Variants in TAFA1 observed in about 807,000 individuals in gnomAD.
The protein encoded by TAFA1 is TAFA chemokine like family member 1.
TAFA1 carries 4 observed loss-of-function variants against 18.5 expected under a neutral mutation model. The observed-to-expected ratio is 0.22, with a 90% CI of 0.11 to 0.49. The LOEUF (loss-of-function observed/expected upper bound fraction) is 0.49. Ranked by LOEUF, TAFA1 falls within the 20% of genes least tolerant of loss-of-function variation. The pLI is 0.98. For synonymous variants in TAFA1, 56 were observed against 55.2 expected, an observed-to-expected ratio of 1.01 and a Z score of -0.06; for missense variants, 147 against 169.0, an observed-to-expected ratio of 0.87 and a Z score of 0.72.
intron 3 of TAFA1, among the ~76,000 whole-genome samples, chr3:68,515,461 A>G (rs1486615620): frequency 6.6e-6 from 1 of 152,124 alleles, no homozygotes; most frequent in African/African-American, 2.4e-5. Flanking sequence ...TCCAGGAAGT[A>G]TGGTTAGCTC....
intron 3 of TAFA1, among the ~76,000 whole-genome samples, chr3:68,451,349 C>T (rs577560087): frequency 1.3e-5 from 2 of 152,220 alleles, no homozygotes; most frequent in South Asian, 2.1e-4. Flanking sequence ...GAGCAGTTGA[C>T]TGATATCCAG....
chr3:68,317,694 G>A (rs532660966), intron 2 of TAFA1, among the ~76,000 whole-genome samples: 14 of 152,320 alleles, frequency 9.2e-5, no homozygotes, highest in African/African-American at 3.4e-4. Context: ...CACAGGCCCA[G>A]TGCTAAATGA....
At chr3:68,479,290 A>G (rs1019091472) in intron 3 of TAFA1, among the ~76,000 whole-genome samples, 28 of 149,992 alleles carry the variant, frequency 1.9e-4, no homozygotes, top group African/African-American at 6.6e-4. Context: ...CTGTAGCTCC[A>G]TACACACATA....
At chr3:68,409,847 C>G (rs1156905517) in intron 2 of TAFA1, among the ~76,000 whole-genome samples, 8 of 152,176 alleles carry the variant, frequency 5.3e-5, no homozygotes, top group Admixed American at 3.9e-4. Context: ...CAAACCCTGA[C>G]TTACAATGCC....
At chr3:68,521,512 G>A (rs6549128) in intron 3 of TAFA1, among the ~76,000 whole-genome samples, 121,547 of 152,010 alleles carry the variant, frequency 0.8, 48,670 homozygotes, top group East Asian at 0.9. Flanking sequence ...AGATAGATGA[G>A]GAAACATTTA....
intron 3 of TAFA1, among the ~76,000 whole-genome samples, chr3:68,489,183 G>T (rs2072406136): frequency 6.6e-6 from 1 of 152,066 alleles, no homozygotes; most frequent in Non-Finnish European, 1.5e-5. Flanking sequence ...CATAATACCA[G>T]GATTTGCAGA....
chr3:68,054,441 T>C (rs936984616), intron 2 of TAFA1, among the ~76,000 whole-genome samples: 5 of 152,196 alleles, frequency 3.3e-5, no homozygotes, highest in African/African-American at 1.2e-4. Context: ...CCTTATTAGA[T>C]GCCCAATCTT....
chr3:68,316,647 C>T (rs569541754), intron 2 of TAFA1, among the ~76,000 whole-genome samples: 1 of 152,114 alleles, frequency 6.6e-6, no homozygotes, highest in East Asian at 1.9e-4. Flanking sequence ...CATTAGATTC[C>T]AATTTTTATA....
intron 2 of TAFA1, among the ~76,000 whole-genome samples, chr3:68,109,538 A>G (rs1412862091): frequency 6.6e-6 from 1 of 152,200 alleles, no homozygotes; most frequent in Non-Finnish European, 1.5e-5. Flanking sequence ...AGTAATGCAC[A>G]AGAGCATTGG....
At chr3:68,135,663 G>A (rs1476320222) in intron 2 of TAFA1, among the ~76,000 whole-genome samples, 3 of 152,118 alleles carry the variant, frequency 2.0e-5, no homozygotes, top group East Asian at 3.8e-4. Context: ...AAATATCAGC[G>A]GTATTTTTTG....
At chr3:68,368,747 C>G (rs1018887395) in intron 2 of TAFA1, among the ~76,000 whole-genome samples, 2 of 152,062 alleles carry the variant, frequency 1.3e-5, no homozygotes, top group African/African-American at 4.8e-5. Context: ...TCTCTGCCAC[C>G]AAAATCTCCA....
In TAFA1 at chr3:68,004,588, G is replaced by A. The variant is rs183239664; in HGVS notation, c.-118G>A. ...TTTTTTAATCCTGATAAAGAAGATT[G>A]TTGGGAAGCTCTTTGAAAAAAAATT... is the stretch of plus-strand genomic sequence containing the variant. On this transcript the variant is annotated 5_prime_UTR_variant, in exon 1 of 5. Transcript: ENST00000478136. 2.1e-4 allele frequency: 32 copies of A among 151,542 alleles called. No individual in the cohort carries two copies. Among genetic ancestry groups the A allele is most frequent in the Admixed American group, 1.8e-3 (28 of 15,228 alleles). 9.4% of individuals were successfully genotyped at this position (151,542 alleles called of 1,614,324 possible).
chr3:68,111,088 T>C (rs1055215263), intron 2 of TAFA1, among the ~76,000 whole-genome samples: 4 of 152,214 alleles, frequency 2.6e-5, no homozygotes, highest in African/African-American at 7.2e-5. Flanking sequence ...TGATAATCTT[T>C]CCTATAGAAA....
intron 3 of TAFA1, among the ~76,000 whole-genome samples, chr3:68,513,382 C>G (rs1055046271): frequency 2.6e-5 from 4 of 152,118 alleles, no homozygotes; most frequent in African/African-American, 9.7e-5. Flanking sequence ...AGCCACTAGC[C>G]ATATGTGGCT....
chr3:68,182,079 C>G (rs1364304394), intron 2 of TAFA1, among the ~76,000 whole-genome samples: 1 of 152,078 alleles, frequency 6.6e-6, no homozygotes, highest in East Asian at 1.9e-4. Context: ...GTGGGTGGCA[C>G]ACGCTTGCAG....
At chr3:68,499,186 T>G (rs1309350705) in intron 3 of TAFA1, among the ~76,000 whole-genome samples, 1 of 152,178 alleles carries the variant, frequency 6.6e-6, no homozygotes, top group African/African-American at 2.4e-5. Flanking sequence ...CAACTCATTT[T>G]GTTTGTCAGG....
chr3:68,302,953 C>G lies in TAFA1; in HGVS notation c.119-114327C>G, dbSNP rs114235183. On this transcript the variant is annotated intron_variant, in intron 2 of 4. Coordinates refer to ENST00000478136, the MANE Select transcript of TAFA1 (RefSeq NM_213609.4). ...GTGTGACCTTAGCCAACTTGAACCT[C>G]TGCGTCTCAGTTTTCTCATTTTTAA... Among the ~76,000 whole-genome samples, 1,287 of 152,250 alleles carry G rather than the reference C, an allele frequency of 8.5e-3. 21 individuals carry two copies. Among genetic ancestry groups the G allele is most frequent in the African/African-American group, 0.03 (1,247 of 41,536 alleles).
intron 3 of TAFA1, among the ~76,000 whole-genome samples, chr3:68,538,153 C>T (rs983438597): frequency 6.6e-6 from 1 of 151,558 alleles, no homozygotes; most frequent in African/African-American, 2.4e-5. Flanking sequence ...TGCTAGAATG[C>T]AAAAGTCTGA....
chr3:68,515,497 T>C (rs1030690741), intron 3 of TAFA1, among the ~76,000 whole-genome samples: 3 of 152,142 alleles, frequency 2.0e-5, no homozygotes, highest in Admixed American at 2.0e-4. Context: ...ACTAACACCG[T>C]AGGGAGAGTA....
Sources: gnomAD v4.1 joint callset for allele counts (sites outside exome capture counted in the v4.1 genomes callset) on GRCh38, gnomAD v4.1.1 for gene constraint, MANE v1.5 for transcripts, NCBI Gene and HGNC (gene_info 2026-07-23, HGNC 2026-07-21) for gene names.